Variants in VPS53 observed in about 807,000 individuals in gnomAD.
VPS53 encodes VPS53 subunit of GARP complex.
A neutral mutation model predicts 107.0 loss-of-function variants in VPS53; 70 were observed. The observed-to-expected ratio is 0.65, with a 90% CI of 0.54 to 0.80. The LOEUF (loss-of-function observed/expected upper bound fraction) is 0.80, where lower values mean the gene tolerates loss of function less well. Ranked by LOEUF, VPS53 falls within the 30% of genes least tolerant of loss-of-function variation. The pLI is 0.00. For synonymous variants in VPS53, 409 were observed against 393.3 expected (o/e 1.04, Z -0.47); for missense variants, 917 against 1,049.4 (o/e 0.87, Z 1.74).
intron 11 of VPS53, among the ~76,000 whole-genome samples, chr17:614,819 T>C (rs1567676982): frequency 6.6e-6 from 1 of 152,238 alleles, no homozygotes; most frequent in Non-Finnish European, 1.5e-5. Context: ...TTCTAAAAAC[T>C]GGGGAAGTAA....
chr17:611,431 A>C (rs950642843), intron 11 of VPS53, among the ~76,000 whole-genome samples: 1 of 152,222 alleles, frequency 6.6e-6, no homozygotes, highest in South Asian at 2.1e-4. Context: ...TAGGGGAACA[A>C]AGGAGACACG....
chr17:634,138 G>T (rs985786201), intron 7 of VPS53, among the ~76,000 whole-genome samples: 6 of 152,096 alleles, frequency 3.9e-5, no homozygotes, highest in African/African-American at 1.4e-4. Context: ...CCCCTGGCCC[G>T]AACTATTTGC....
At chr17:594,906 C>G (rs554706075) in intron 12 of VPS53, among the ~76,000 whole-genome samples, 9 of 62,802 alleles carry the variant, frequency 1.4e-4, no homozygotes, top group African/African-American at 4.2e-4. Context: ...CTGGAGGAAG[C>G]TGGGAGATGG....
rs1253041511 is a variant in VPS53 at position 512,911 on chromosome 17, GA to G, written c.*6216del. The G allele has an allele frequency of 6.6e-6, 1 of 152,330 alleles. No homozygotes were observed. The highest frequency in any genetic ancestry group is 2.4e-5 in the African/African-American group (1 of 41,470). The allele number at this position is 152,330 out of a possible 1,614,324, so 9.4% of individuals were successfully genotyped here. The stretch of plus-strand genomic sequence containing the variant: ...GAGAGAAATCACTTGGCCGTCACTG[GA>G]AGAGCAGGCTGTGATGGGAACGGTA... On this transcript the variant is annotated 3_prime_UTR_variant, in exon 22 of 22. Transcript: ENST00000437048.
At chr17:661,049 T>C (rs1204169999) in intron 5 of VPS53, among the ~76,000 whole-genome samples, 2 of 151,960 alleles carry the variant, frequency 1.3e-5, no homozygotes, top group Admixed American at 6.6e-5. Flanking sequence ...ACACAGATCA[T>C]GGGCGGGGAC....
At position 655,707 on chromosome 17, in the gene VPS53, T is replaced by G. The variant is rs188094135; in HGVS notation, c.488+131A>C. The G allele has an allele frequency of 9.8e-6, 8 of 815,820 alleles. No homozygotes were observed. The East Asian group carries it at 1.9e-4, about 20-fold the overall frequency. The allele number at this position is 815,820 out of a possible 1,614,324, so 50.5% of individuals were successfully genotyped here. A position where few individuals can be genotyped will look rare whatever the true frequency, so the allele number is the denominator to read the frequency against. On this transcript the variant is annotated intron_variant, in intron 6 of 21. Coordinates refer to ENST00000437048, the MANE Select transcript of VPS53 (RefSeq NM_001128159.3). ...AAAGCAAAAATGGTGACTGAACACT[T>G]GAAGCCAATTTGCAGAAAGTGGGGC...
chr17:584,486 A>C (rs1967213357), intron 13 of VPS53, among the ~76,000 whole-genome samples: 1 of 152,098 alleles, frequency 6.6e-6, no homozygotes, highest in Non-Finnish European at 1.5e-5. Flanking sequence ...AAATATTTGG[A>C]GGCTACAAGT....
chr17:525,431 G>A (rs956672350), intron 19 of VPS53, among the ~76,000 whole-genome samples: 1 of 152,140 alleles, frequency 6.6e-6, no homozygotes, highest in African/African-American at 2.4e-5. Flanking sequence ...GCTCATGCCT[G>A]TAATCCCAGC....
chr17:625,355 G>T lies in VPS53; in HGVS notation c.975-1681C>A, dbSNP rs1311371358. On this transcript the variant is annotated intron_variant, in intron 10 of 21. Coordinates refer to ENST00000437048, the MANE Select transcript of VPS53 (RefSeq NM_001128159.3). ...AGTGCACCTGTAGTTGCAGCTACTT[G>T]GGTGGCTGAAGCAGGAGGGCTGCCT... 3.3e-5 allele frequency among the ~76,000 whole-genome samples: 5 copies of T among 152,050 alleles called. No homozygotes were observed. The East Asian group carries it at 9.6e-4, about 29-fold the overall frequency.
Position 520,980 on chromosome 17 carries a change from T to C in VPS53, c.2223+621A>G, listed in dbSNP as rs529255764. ...CTACTCCTGCCGTCCCTGAGTCATC[T>C]GGTTTAGGAAGTGGCCTGAAGAGCC... is the stretch of plus-strand genomic sequence containing the variant. On this transcript the variant is annotated intron_variant, in intron 20 of 21. Coordinates refer to ENST00000437048, the MANE Select transcript of VPS53 (RefSeq NM_001128159.3). The surrounding 1 kb of genome is among the most constrained non-coding windows in gnomAD (Gnocchi z 4.4). Among the ~76,000 whole-genome samples the C allele has an allele frequency of 5.3e-4, 81 of 152,326 alleles. No individual in the cohort carries two copies. The highest frequency in any genetic ancestry group is 1.6e-4 in the Non-Finnish European group (11 of 68,028).
chr17:636,885 T>G (rs950356926), intron 7 of VPS53, among the ~76,000 whole-genome samples: 8 of 152,186 alleles, frequency 5.3e-5, no homozygotes, highest in Non-Finnish European at 8.8e-5. Context: ...TCTCTTTTTT[T>G]GTTGTGTCTC....
chr17:563,286 CCTTT>C (rs1913189148), intron 13 of VPS53, among the ~76,000 whole-genome samples: 1 of 141,500 alleles, frequency 7.1e-6, no homozygotes, highest in African/African-American at 2.6e-5. Context: ...AACTTCATTT[CCTTT>C]TTTTTTTTTT....
chr17:676,782 G>A (rs924036123), intron 4 of VPS53, among the ~76,000 whole-genome samples: 2 of 151,718 alleles, frequency 1.3e-5, no homozygotes, highest in Non-Finnish European at 2.9e-5. Flanking sequence ...GCGTTTCTAA[G>A]GTCAGGAAGG....
At chr17:651,899 C>T (rs779836421) in intron 7 of VPS53, among the ~76,000 whole-genome samples, 7 of 152,140 alleles carry the variant, frequency 4.6e-5, no homozygotes, top group African/African-American at 7.2e-5. Context: ...TTCCTTTCCA[C>T]TGGATCTGAA....
chr17:574,689 C>G (rs555149671), intron 13 of VPS53, among the ~76,000 whole-genome samples: 1 of 152,264 alleles, frequency 6.6e-6, no homozygotes, highest in East Asian at 1.9e-4. Context: ...TGCTGAAACC[C>G]AGGAGGTTGA....
intron 4 of VPS53, among the ~76,000 whole-genome samples, chr17:690,020 T>C (rs1972724789): frequency 6.6e-6 from 1 of 152,156 alleles, no homozygotes; most frequent in Non-Finnish European, 1.5e-5. Context: ...TTTTTGGGTC[T>C]GGCACTTTGC....
chr17:599,165 C>T (rs62056470), intron 12 of VPS53, among the ~76,000 whole-genome samples: 13 of 147,266 alleles, frequency 8.8e-5, no homozygotes, highest in Admixed American at 6.7e-4. Flanking sequence ...CCGCCCCGCC[C>T]GGGAGGTGAG....
At chr17:539,045 C>T (rs139971295) in intron 17 of VPS53, 1 of 152,314 alleles carries the variant, frequency 6.6e-6, no homozygotes, top group East Asian at 1.9e-4. Flanking sequence ...GGACTCGGAG[C>T]AGAATGTTCT....
chr17:688,482 T>C (rs2143840443), intron 4 of VPS53, among the ~76,000 whole-genome samples: 1 of 152,332 alleles, frequency 6.6e-6, no homozygotes, highest in Middle Eastern at 3.4e-3. Flanking sequence ...GAGAACGGAC[T>C]AATACACAAG....
Sources: allele counts gnomAD v4.1 joint callset (sites outside exome capture counted in the v4.1 genomes callset), GRCh38; gene constraint gnomAD v4.1.1; non-coding constraint Gnocchi (gnomAD v3.1); transcripts MANE v1.5; gene names NCBI Gene and HGNC (gene_info 2026-07-23, HGNC 2026-07-21).